Variants in CLASP1 observed in about 807,000 individuals in gnomAD.
The protein encoded by CLASP1 is cytoplasmic linker associated protein 1.
In CLASP1, 38 loss-of-function variants were observed where a neutral mutation model predicts 192.3. The observed-to-expected ratio is 0.20, with a 90% CI of 0.15 to 0.26. The LOEUF (loss-of-function observed/expected upper bound fraction) is 0.26. CLASP1 is among the 10% of genes least tolerant of loss of function. The pLI is 1.00. For missense variants in CLASP1, 1,433 were observed against 1,932.5 expected (o/e 0.74, Z 4.85); for synonymous variants, 691 against 712.8 (o/e 0.97, Z 0.49).
At chr2:121,384,194 ATTTT>A (rs1056359334) in intron 32 of CLASP1, among the ~76,000 whole-genome samples, 1 of 147,270 alleles carries the variant, frequency 6.8e-6, no homozygotes, top group African/African-American at 2.6e-5. Context: ...ACACACACAC[ATTTT>A]TTGTTTTTAA....
intron 2 of CLASP1, among the ~76,000 whole-genome samples, chr2:121,593,798 G>A (rs539223576): frequency 6.6e-6 from 1 of 151,450 alleles, no homozygotes; most frequent in Non-Finnish European, 1.5e-5. Flanking sequence ...ATCACCTGAG[G>A]TTGGGAGTTC....
intron 13 of CLASP1, 25 bp downstream of exon 13, chr2:121,458,815 C>G: frequency 6.5e-7 from 1 of 1,539,582 alleles, no homozygotes; most frequent in East Asian, 2.4e-5. Context: ...TTGCTTATTT[C>G]AAGCATGGCC....
intron 8 of CLASP1, among the ~76,000 whole-genome samples, chr2:121,476,957 G>A (rs2091699062): frequency 6.6e-6 from 1 of 152,188 alleles, no homozygotes; most frequent in Non-Finnish European, 1.5e-5. Context: ...CTTTTGCAAA[G>A]GCTGTTTCTG....
rs116839529 is a variant in CLASP1, at chr2:121,566,559, G to A, written c.196-36234C>T. ...GCAAACAGGACTTCCTTAGGTGAGC[G>A]AGATTCAAAGCTCCAAAACAGTAAG... On this transcript the variant is annotated intron_variant, in intron 2 of 39. Coordinates refer to ENST00000263710, the Ensembl canonical transcript of CLASP1. Among the ~76,000 whole-genome samples, 685 of 152,286 alleles carry A rather than the reference G, an allele frequency of 4.5e-3. 3 individuals are homozygous for A. The highest frequency in any genetic ancestry group is 0.016 in the African/African-American group (655 of 41,554).
intron 2 of CLASP1, among the ~76,000 whole-genome samples, chr2:121,565,230 T>G (rs978874263): frequency 4.6e-5 from 7 of 152,096 alleles, no homozygotes; most frequent in African/African-American, 1.7e-4. Context: ...GGATATAGGG[T>G]CTCCCTAGGC....
intron 2 of CLASP1, among the ~76,000 whole-genome samples, chr2:121,544,203 G>A (rs532387097): frequency 1.1e-4 from 16 of 152,258 alleles, no homozygotes; most frequent in African/African-American, 2.6e-4. Context: ...AACAGAAGCC[G>A]TTCCAAGAGT....
At position 121,528,668 on chromosome 2, in the gene CLASP1, TG is replaced by T; in HGVS notation, c.378+8del. 1.2e-6 allele frequency: 2 copies of T among 1,613,066 alleles called. No homozygotes were observed. The highest frequency in any genetic ancestry group is 8.5e-7 in the Non-Finnish European group (1 of 1,179,044). ...CCAGCTGACCTCAAAACACATCTCT[TG>T]CCCCTACCTGGGGATTAGCAGCTTG... On this transcript the variant is annotated splice_region_variant and intron_variant, in intron 4 of 39. Transcript: ENST00000263710.
At chr2:121,386,779 G>C (rs1440093406) in intron 32 of CLASP1, among the ~76,000 whole-genome samples, 2 of 152,172 alleles carry the variant, frequency 1.3e-5, no homozygotes, top group Non-Finnish European at 2.9e-5. Context: ...AATACCTTTA[G>C]GTTCTACCAC....
intron 32 of CLASP1, among the ~76,000 whole-genome samples, chr2:121,384,634 C>T (rs775909612): frequency 3.3e-5 from 5 of 152,016 alleles, no homozygotes; most frequent in Non-Finnish European, 7.4e-5. Flanking sequence ...CCAGGTGTGG[C>T]GGCTCATGCC....
At chr2:121,561,191 G>A (rs1312439738) in intron 2 of CLASP1, among the ~76,000 whole-genome samples, 1 of 152,204 alleles carries the variant, frequency 6.6e-6, no homozygotes, top group Non-Finnish European at 1.5e-5. Flanking sequence ...ACAGGCATGA[G>A]CCACCACACG....
At chr2:121,383,975 A>G (rs72967326) in intron 32 of CLASP1, among the ~76,000 whole-genome samples, 5,582 of 149,136 alleles carry the variant, frequency 0.037, 146 homozygotes, top group East Asian at 0.13. Flanking sequence ...AAAAAAAATG[A>G]CTTCCTCACT....
intron 23 of CLASP1, among the ~76,000 whole-genome samples, chr2:121,415,984 A>G (rs2078499211): frequency 1.3e-5 from 2 of 152,246 alleles, no homozygotes; most frequent in Non-Finnish European, 2.9e-5. Flanking sequence ...TTGGCAAAGA[A>G]TATTATAAAA....
intron 2 of CLASP1, among the ~76,000 whole-genome samples, chr2:121,593,445 C>T (rs2062668655): frequency 6.6e-6 from 1 of 151,806 alleles, no homozygotes; most frequent in Non-Finnish European, 1.5e-5. Flanking sequence ...CATGGTAAAA[C>T]TCCGCCTCTA....
intron 22 of CLASP1, among the ~76,000 whole-genome samples, chr2:121,420,465 A>C (rs915947147): frequency 3.3e-5 from 5 of 152,246 alleles, no homozygotes; most frequent in Admixed American, 3.3e-4. Flanking sequence ...AATCTGAGTC[A>C]AAAAATGACC....
chr2:121,500,204 A>C (rs1351239010), intron 8 of CLASP1, among the ~76,000 whole-genome samples: 1 of 152,000 alleles, frequency 6.6e-6, no homozygotes, highest in Non-Finnish European at 1.5e-5. Flanking sequence ...TGAACAGTCA[A>C]AGGTTTGAAG....
chr2:121,587,105 G>C (rs1187274157), intron 2 of CLASP1, among the ~76,000 whole-genome samples: 1 of 152,192 alleles, frequency 6.6e-6, no homozygotes, highest in Non-Finnish European at 1.5e-5. Flanking sequence ...GCCGGGCACA[G>C]TGGTGCGAGC....
chr2:121,569,009 C>T (rs1039072748), intron 2 of CLASP1, among the ~76,000 whole-genome samples: 3 of 152,008 alleles, frequency 2.0e-5, no homozygotes, highest in Admixed American at 2.0e-4. Context: ...ATGTGCCTTC[C>T]GGAGATATAA....
At chr2:121,513,733 G>T (rs150000414) in intron 7 of CLASP1, among the ~76,000 whole-genome samples, 1 of 152,358 alleles carries the variant, frequency 6.6e-6, no homozygotes, top group African/African-American at 2.4e-5. Context: ...GCATCCTAGA[G>T]ACTCTCCTGG....
intron 2 of CLASP1, among the ~76,000 whole-genome samples, chr2:121,531,664 T>TA (rs921625626): frequency 2.0e-5 from 3 of 149,224 alleles, no homozygotes; most frequent in Non-Finnish European, 4.4e-5. Flanking sequence ...GCTCAGGAGA[T>TA]AGAGACCATC....
Sources: allele counts gnomAD v4.1 joint callset (sites outside exome capture counted in the v4.1 genomes callset), GRCh38; gene constraint gnomAD v4.1.1; transcripts MANE v1.5; gene names NCBI Gene and HGNC (gene_info 2026-07-23, HGNC 2026-07-21).